CCDC181: variants seen among roughly 807,000 people sequenced by gnomAD.
The protein encoded by CCDC181 is coiled-coil domain-containing protein 181.
Under a neutral mutation model 58.7 loss-of-function variants are expected in CCDC181, and 35 were observed. The observed-to-expected ratio is 0.60, with a 90% CI of 0.46 to 0.79. The LOEUF (loss-of-function observed/expected upper bound fraction) is 0.79, where lower values mean the gene tolerates loss of function less well. Ranked by LOEUF, CCDC181 falls within the 30% of genes least tolerant of loss-of-function variation. CCDC181 has a pLI of 0.00. For missense variants in CCDC181, 517 were observed against 583.9 expected (o/e 0.89, Z 1.18); for synonymous variants, 183 against 197.5 (o/e 0.93, Z 0.62).
intron 2 of CCDC181, among the ~76,000 whole-genome samples, chr1:169,449,219 G>A (rs1657464328): frequency 6.6e-6 from 1 of 152,010 alleles, no homozygotes; most frequent in Non-Finnish European, 1.5e-5. Flanking sequence ...GTAAATTTTT[G>A]TTGAAAGCTA....
At chr1:169,414,664 C>A (rs1174846302) in intron 4 of CCDC181, among the ~76,000 whole-genome samples, 5 of 152,076 alleles carry the variant, frequency 3.3e-5, no homozygotes, top group African/African-American at 1.2e-4. Context: ...CTAAAAATGG[C>A]AATAAAAATT....
intron 2 of CCDC181, among the ~76,000 whole-genome samples, chr1:169,435,032 A>T (rs1200340569): frequency 2.0e-5 from 3 of 152,106 alleles, no homozygotes; most frequent in African/African-American, 7.2e-5. Context: ...TGATGTTTGC[A>T]TAGCAGTGTG....
intron 2 of CCDC181, among the ~76,000 whole-genome samples, chr1:169,444,967 C>G (rs1571514368): frequency 6.6e-6 from 1 of 152,124 alleles, no homozygotes; most frequent in Non-Finnish European, 1.5e-5. Context: ...GAATAAAATA[C>G]AAACTCCTTA....
At chr1:169,454,043 T>A (rs1481335354) in intron 2 of CCDC181, among the ~76,000 whole-genome samples, 1 of 152,084 alleles carries the variant, frequency 6.6e-6, no homozygotes, top group Non-Finnish European at 1.5e-5. Flanking sequence ...ACCAAATAGA[T>A]GCATTCTTGA....
Position 169,422,018 on chromosome 1 carries a change from A to G in CCDC181, c.413T>C (p.Leu138Pro). Reference protein sequence around the residue: ...MEKIVQANKLLQNQEPVNDKR... With the variant: ...MEKIVQANKLPQNQEPVNDKR... ...ATCATTCACCGGTTCTTGATTCTGT[A>G]GAAGCTTGTTAGCTTGTACAATTTT... The change falls in exon 3 of 6, where the codon CTA becomes CCA. Residue 138 changes from leucine to proline, a missense_variant. Physicochemically the swap from Leu to Pro is moderately conservative, Grantham distance 98. Coordinates refer to ENST00000367806, the MANE Select transcript of CCDC181 (RefSeq NM_001300969.2). The G allele has an allele frequency of 6.2e-7, 1 of 1,614,106 alleles. No individual in the cohort carries two copies. Among genetic ancestry groups the G allele is most frequent in the Non-Finnish European group, 8.5e-7 (1 of 1,180,010 alleles).
At chr1:169,442,534 G>C (rs1657258829) in intron 2 of CCDC181, 1 of 152,066 alleles carries the variant, frequency 6.6e-6, no homozygotes, top group Admixed American at 6.5e-5. Flanking sequence ...GGAAGGGAAA[G>C]AAAAGAGGTG....
intron 2 of CCDC181, among the ~76,000 whole-genome samples, chr1:169,442,333 C>T (rs1369270314): frequency 1.3e-5 from 2 of 151,606 alleles, no homozygotes; most frequent in Non-Finnish European, 2.9e-5. Context: ...TTACTTCAAC[C>T]ACCTAGAACC....
intron 2 of CCDC181, among the ~76,000 whole-genome samples, chr1:169,433,629 A>C (rs571708216): frequency 1.8e-4 from 27 of 152,168 alleles, no homozygotes; most frequent in African/African-American, 6.0e-4. Context: ...ATAAACTCTC[A>C]CATATATGGT....
chr1:169,437,180 TGGGTGGGGGCCACAAGA>T (rs1657078866), intron 2 of CCDC181, among the ~76,000 whole-genome samples: 1 of 152,134 alleles, frequency 6.6e-6, no homozygotes, highest in South Asian at 2.1e-4. Context: ...ACTGAGTTCC[TGGGTGGGGGCCACAAGA>T]TCAGATGAGC....
At chr1:169,429,842 C>T (rs547689849), upstream of CCDC181, among the ~76,000 whole-genome samples, 17 of 152,272 alleles carry the variant, frequency 1.1e-4, no homozygotes, top group Admixed American at 2.6e-4. Context: ...GTTTTTGTTG[C>T]GTTTGCTTTT....
At chr1:169,452,830 T>G (rs1296571786) in intron 2 of CCDC181, 2 of 152,068 alleles carry the variant, frequency 1.3e-5, no homozygotes, top group Admixed American at 1.3e-4. Flanking sequence ...TATTTTCAAG[T>G]ATAACAAAAA....
intron 4 of CCDC181, among the ~76,000 whole-genome samples, chr1:169,414,738 A>G (rs1229283210): frequency 6.6e-6 from 1 of 152,158 alleles, no homozygotes; most frequent in African/African-American, 2.4e-5. Flanking sequence ...TATAAATCTA[A>G]AGATATTTTC....
chr1:169,454,416 T>G (rs1435815935), intron 2 of CCDC181: 1 of 152,080 alleles, frequency 6.6e-6, no homozygotes, highest in Non-Finnish European at 1.5e-5. Context: ...TGGTGTTTTA[T>G]TCATATATTT....
chr1:169,428,737 C>T (rs1344667109), upstream of CCDC181, among the ~76,000 whole-genome samples: 2 of 152,116 alleles, frequency 1.3e-5, no homozygotes, highest in African/African-American at 4.8e-5. Context: ...CTCACTTCAA[C>T]CTCCATCTCC....
chr1:169,424,722 T>G, intron 2 of CCDC181, 89 bp downstream of exon 2: 2 of 714,828 alleles, frequency 2.8e-6, no homozygotes, highest in South Asian at 4.2e-5. Context: ...AATTTTGTGA[T>G]GTTTAGATGA....
intron 2 of CCDC181, among the ~76,000 whole-genome samples, chr1:169,451,783 A>G (rs1657548842): frequency 6.6e-6 from 1 of 152,104 alleles, no homozygotes; most frequent in South Asian, 2.1e-4. Context: ...TGTCAAGATA[A>G]TGTGCTAATA....
chr1:169,397,200 GA>G (rs1267852813), intron 5 of CCDC181, 36 bp downstream of exon 5: 1 of 1,489,214 alleles, frequency 6.7e-7, no homozygotes, highest in Non-Finnish European at 8.9e-7. Flanking sequence ...TGAACATGAG[GA>G]AGGAGGAGGG....
At chr1:169,456,237 C>A (rs1657672584) in intron 2 of CCDC181, among the ~76,000 whole-genome samples, 2 of 152,164 alleles carry the variant, frequency 1.3e-5, no homozygotes, top group South Asian at 4.1e-4. Context: ...CCTTAACTCT[C>A]ACTTAGCTAA....
intron 2 of CCDC181, among the ~76,000 whole-genome samples, chr1:169,451,564 A>T (rs757047112): frequency 6.6e-5 from 10 of 152,132 alleles, no homozygotes; most frequent in Middle Eastern, 3.4e-3. Context: ...AATGATTGCC[A>T]CTCCCTTTTT....
Sources: gnomAD v4.1 joint callset for allele counts (sites outside exome capture counted in the v4.1 genomes callset) on GRCh38, gnomAD v4.1.1 for gene constraint, MANE v1.5 for transcripts, NCBI Gene and HGNC (gene_info 2026-07-23, HGNC 2026-07-21) for gene names.